Variants in TOX4 observed in about 807,000 individuals in gnomAD.
TOX4 encodes TOX high mobility group box family member 4.
A neutral mutation model predicts 61.0 loss-of-function variants in TOX4; 12 were observed. The observed-to-expected ratio is 0.20, with a 90% CI of 0.13 to 0.32. The LOEUF (loss-of-function observed/expected upper bound fraction) is 0.32. TOX4 is among the 10% of genes least tolerant of loss of function. TOX4 has a pLI of 1.00. For synonymous variants in TOX4, 268 were observed against 274.8 expected (o/e 0.98, Z 0.24); for missense variants, 499 against 753.3 (o/e 0.66, Z 3.95).
chr14:21,495,170 A>G, intron 7 of TOX4, 59 bp from the exon 8 acceptor site: 1 of 1,562,108 alleles, frequency 6.4e-7, no homozygotes, highest in Non-Finnish European at 8.7e-7. Context: ...AATTTAGCTA[A>G]CTAGCTAGCT....
chr14:21,492,878 G>C lies in TOX4; in HGVS notation c.1262G>C (p.Arg421Pro). The C allele has an allele frequency of 6.2e-7, 1 of 1,612,042 alleles. No individual in the cohort carries two copies. Among genetic ancestry groups the C allele is most frequent in the Non-Finnish European group, 8.5e-7 (1 of 1,179,364 alleles). The change falls in exon 7 of 9, where the codon CGG becomes CCG. Residue 421 changes from arginine to proline, a missense_variant. Physicochemically the swap from Arg to Pro is moderately radical, Grantham distance 103 (BLOSUM62 -2). This residue lies in a region of TOX4 where 296 missense variants were observed against 404.7 expected (regional missense o/e 0.73). Coordinates refer to ENST00000448790, the MANE Select transcript of TOX4 (RefSeq NM_014828.4). ...AGTCAACAAGCCCAGATTGTCACTC[G>C]GTCAGTGTTGCAGGCAGCAGCAGCT... ...QPSQQAQIVT[R>P]SVLQAAAAAA...
At chr14:21,490,967 C>G (rs1047185699) in intron 5 of TOX4, among the ~76,000 whole-genome samples, 7 of 152,048 alleles carry the variant, frequency 4.6e-5, no homozygotes, top group African/African-American at 1.4e-4. Context: ...CTGGGATTAC[C>G]GGCATGTGCC....
chr14:21,488,082 A>AAAAAAG (rs1555324985), intron 3 of TOX4: 10 of 152,842 alleles, frequency 6.5e-5, no homozygotes, highest in African/African-American at 7.5e-5. Context: ...AAAAAAAAAA[A>AAAAAAG]GTCTGAGCCA....
At chr14:21,486,771 G>A (rs1231257848) in intron 2 of TOX4, among the ~76,000 whole-genome samples, 1 of 152,176 alleles carries the variant, frequency 6.6e-6, no homozygotes, top group East Asian at 1.9e-4. Context: ...GCCAACTGGA[G>A]TAATCCTTTT....
At chr14:21,488,541 G>T (rs1216852597) in intron 3 of TOX4, 49 bp from the exon 4 acceptor site, 1 of 1,567,510 alleles carries the variant, frequency 6.4e-7, no homozygotes, top group Non-Finnish European at 8.7e-7. Context: ...GGGGGGAAAA[G>T]TGGTTTTTTT....
chr14:21,477,354 C>T (rs1891011127), intron 1 of TOX4, 70 bp downstream of exon 1: 2 of 1,613,626 alleles, frequency 1.2e-6, no homozygotes, highest in African/African-American at 2.7e-5. Context: ...GGACGGGAAG[C>T]CGGGCGGAGA....
At chr14:21,488,351 G>A (rs1449941606) in intron 3 of TOX4, 3 of 491,110 alleles carry the variant, frequency 6.1e-6, no homozygotes, top group South Asian at 5.1e-5. Flanking sequence ...TTGTCCAACA[G>A]TGCGACTTCT....
chr14:21,484,572 A>G (rs1169140367), intron 2 of TOX4, among the ~76,000 whole-genome samples: 1 of 100,930 alleles, frequency 9.9e-6, no homozygotes, highest in Admixed American at 8.9e-5. Flanking sequence ...CTGGTCTCGA[A>G]CTCTTGACCT....
chr14:21,487,320 G>A, intron 2 of TOX4, 131 bp from the exon 3 acceptor site: 1 of 1,274,218 alleles, frequency 7.8e-7, no homozygotes, highest in South Asian at 1.5e-5. Context: ...CTAAGAAATT[G>A]ATTATAAAAT....
chr14:21,494,592 CA>C (rs539062169), intron 7 of TOX4, among the ~76,000 whole-genome samples: 1 of 151,622 alleles, frequency 6.6e-6, no homozygotes, highest in Non-Finnish European at 1.5e-5. Context: ...CTAAAAAATA[CA>C]AAAAAAATTA....
At position 21,498,093 on chromosome 14, in the gene TOX4, A is replaced by G. The variant is rs1270195059; in HGVS notation, c.*1487A>G. ...TATAATACTGAGAGATGAGTTGCAC[A>G]AGATTATACACTGTTAAGTAGCAGA... On this transcript the variant is annotated 3_prime_UTR_variant, in exon 9 of 9. Coordinates refer to ENST00000448790, the MANE Select transcript of TOX4 (RefSeq NM_014828.4). 6.8e-6 allele frequency: 4 copies of G among 592,586 alleles called. No individual in the cohort carries two copies. The highest frequency in any genetic ancestry group is 9.0e-6 in the Non-Finnish European group (3 of 334,650). The allele number at this position is 592,586 out of a possible 1,614,324, so 36.7% of individuals were successfully genotyped here.
intron 5 of TOX4, 84 bp downstream of exon 5, chr14:21,489,487 G>A: frequency 8.5e-7 from 1 of 1,177,146 alleles, no homozygotes; most frequent in Non-Finnish European, 1.2e-6. Flanking sequence ...TTTCTTACAT[G>A]TCCTTATCTA....
At chr14:21,490,663 T>C (rs1038628577) in intron 5 of TOX4, among the ~76,000 whole-genome samples, 1 of 152,206 alleles carries the variant, frequency 6.6e-6, no homozygotes, top group Non-Finnish European at 1.5e-5. Context: ...CCACTAATAA[T>C]GTCTCCTATA....
Position 21,488,442 on chromosome 14 carries a change from T to C in TOX4, c.319-148T>C. On this transcript the variant is annotated intron_variant, in intron 3 of 8. Transcript: ENST00000448790. Reference sequence around the variant, plus strand: ...TACTTTTTTAAAAAGCTTATTTTTTTATTTTCATTTTTGAAGACTATTTTA... The same window carrying C: ...TACTTTTTTAAAAAGCTTATTTTTTCATTTTCATTTTTGAAGACTATTTTA... The C allele has an allele frequency of 6.2e-6, 5 of 806,518 alleles. No homozygotes were observed. The South Asian group carries it at 1.0e-4, about 17-fold the overall frequency. The allele number at this position is 806,518 out of a possible 1,614,324, so 50.0% of individuals were successfully genotyped here.
chr14:21,484,329 CTTTTTTTTTTTTTTTTTTTTTTTTTT>C (rs533570141), intron 2 of TOX4, among the ~76,000 whole-genome samples: 1 of 44,210 alleles, frequency 2.3e-5, no homozygotes, highest in African/African-American at 8.2e-5. Flanking sequence ...CTAGCAATGT[CTTTTTTTTTTTTTTTTTTTTTTTTTT>C]TTTTTTTTTT....
chr14:21,495,453 G>A (rs954028083), intron 8 of TOX4, 61 bp downstream of exon 8: 7 of 1,547,448 alleles, frequency 4.5e-6, no homozygotes, highest in Non-Finnish European at 5.3e-6. Context: ...GGGAAACATA[G>A]GAATCTTGAG....
Position 21,477,295 on chromosome 14 carries a change from G to A in TOX4, c.6+11G>A. 6.2e-7 allele frequency: 1 copy of A among 1,614,036 alleles called. No homozygotes were observed. Among genetic ancestry groups the A allele is most frequent in the Non-Finnish European group, 8.5e-7 (1 of 1,179,950 alleles). ...TGTGTGAAGATGGAGGTAGGAACCT[G>A]ATAGCTAAGAAGGCTGGCGAGAGAA... On this transcript the variant is annotated intron_variant, in intron 1 of 8. Coordinates refer to ENST00000448790, the MANE Select transcript of TOX4 (RefSeq NM_014828.4).
Position 21,498,913 on chromosome 14 carries a change from C to T in TOX4, c.*2307C>T. On this transcript the variant is annotated 3_prime_UTR_variant, in exon 9 of 9. Transcript: ENST00000448790. ...TACAAGCTTAAGTGGCTTATGAATC[C>T]TGTGAAGCTCATTTATGGACTAGTG... 1 of 708,562 alleles carries T rather than the reference C, an allele frequency of 1.4e-6. No individual in the cohort carries two copies. Among genetic ancestry groups the T allele is most frequent in the Non-Finnish European group, 2.5e-6 (1 of 404,444 alleles). 43.9% of individuals were successfully genotyped at this position (708,562 alleles called of 1,614,324 possible).
At chr14:21,488,009 C>T (rs749324040) in intron 3 of TOX4, 27 of 193,468 alleles carry the variant, frequency 1.4e-4, no homozygotes, top group Non-Finnish European at 2.1e-4. Flanking sequence ...AGCTGGCACA[C>T]GGAGGGATTT....
Sources: allele counts gnomAD v4.1 joint callset (sites outside exome capture counted in the v4.1 genomes callset), GRCh38; gene constraint gnomAD v4.1.1; regional missense constraint gnomAD v4.1.1; transcripts MANE v1.5; gene names NCBI Gene and HGNC (gene_info 2026-07-23, HGNC 2026-07-21).